ADAMTS7: variants seen among roughly 807,000 people sequenced by gnomAD.
ADAMTS7 encodes the protein A disintegrin and metalloproteinase with thrombospondin motifs 7.
In ADAMTS7, 89 loss-of-function variants were observed where a neutral mutation model predicts 172.6. The ratio of observed to expected loss-of-function variants is 0.52; its 90% CI spans 0.43 to 0.61. ADAMTS7 has a LOEUF of 0.61. Ranked by LOEUF, ADAMTS7 falls within the 20% of genes least tolerant of loss-of-function variation. ADAMTS7 has a pLI of 0.00. For synonymous variants in ADAMTS7, 885 were observed against 978.4 expected, an observed-to-expected ratio of 0.90 and a Z score of 1.78; for missense variants, 1,973 against 2,355.6, an observed-to-expected ratio of 0.84 and a Z score of 3.36.
In ADAMTS7 at chr15:78,777,416, C is replaced by T. The variant is rs375612464; in HGVS notation, c.1467+28G>A. The T allele has an allele frequency of 2.4e-5, 38 of 1,606,184 alleles. No individual in the cohort carries two copies. The South Asian group carries it at 3.0e-4, about 13-fold the overall frequency. Reference sequence around the variant, plus strand: ...TGAGCCCTCCTGCCGGGTCCCCACACCCCCACACCCACACCGGCCCCACTC... The same window carrying T: ...TGAGCCCTCCTGCCGGGTCCCCACATCCCCACACCCACACCGGCCCCACTC... On this transcript the variant is annotated intron_variant, in intron 9 of 23. Coordinates refer to ENST00000388820, the MANE Select transcript of ADAMTS7 (RefSeq NM_014272.5).
intron 4 of ADAMTS7, among the ~76,000 whole-genome samples, chr15:78,795,019 G>A (rs2055625408): frequency 6.6e-6 from 1 of 152,200 alleles, no homozygotes; most frequent in African/African-American, 2.4e-5. Context: ...ACCCAGTCGG[G>A]TGCGTCTTAC....
chr15:78,795,214 G>A (rs1305853277), intron 4 of ADAMTS7, among the ~76,000 whole-genome samples: 1 of 152,226 alleles, frequency 6.6e-6, no homozygotes, highest in Non-Finnish European at 1.5e-5. Context: ...CACCCCTATA[G>A]CCCAGGGGCT....
intron 11 of ADAMTS7, 35 bp downstream of exon 11, chr15:78,776,153 C>T (rs745357726): frequency 3.2e-6 from 5 of 1,586,006 alleles, no homozygotes; most frequent in Non-Finnish European, 4.3e-6. Context: ...TCCCTCTGTC[C>T]CACTGCCCAA....
chr15:78,772,696 G>C (rs143048992), intron 14 of ADAMTS7, among the ~76,000 whole-genome samples: 1 of 152,252 alleles, frequency 6.6e-6, no homozygotes. Context: ...AGGACTAAGC[G>C]CTTCACCTGC....
At chr15:78,764,458 C>T (rs2055105806) in intron 20 of ADAMTS7, 97 bp downstream of exon 20, 6 of 1,420,626 alleles carry the variant, frequency 4.2e-6, no homozygotes, top group African/African-American at 2.9e-5. Context: ...AGCCTGGGGC[C>T]CTCCCCTTCC....
At chr15:78,808,216 T>C (rs1468097914) in intron 1 of ADAMTS7, among the ~76,000 whole-genome samples, 1 of 152,146 alleles carries the variant, frequency 6.6e-6, no homozygotes, top group African/African-American at 2.4e-5. Flanking sequence ...CCACTTTTAT[T>C]GCAATAATTT....
intron 13 of ADAMTS7, 101 bp downstream of exon 13, chr15:78,774,066 G>C: frequency 1.3e-6 from 2 of 1,523,580 alleles, no homozygotes; most frequent in Non-Finnish European, 1.8e-6. Flanking sequence ...GGCCCGCCAT[G>C]GCCCGAGGAG....
rs759568467 is a variant in ADAMTS7, at chr15:78,798,063, G to C, written c.507C>G (p.Asp169Glu). The C allele has an allele frequency of 1.3e-6, 2 of 1,566,768 alleles. No individual in the cohort carries two copies. The highest frequency in any genetic ancestry group is 1.2e-5 in the South Asian group (1 of 84,196). Reference sequence around the variant, plus strand: ...CGTGGCCAGGCCGGGCCGGGGCACTGTCCAGGGGCTCAATGAAGTAGTCCT... The same window carrying C: ...CGTGGCCAGGCCGGGCCGGGGCACTCTCCAGGGGCTCAATGAAGTAGTCCT... ...SNEDYFIEPL[D>E]SAPARPGHAQ... Residue 169 changes from aspartate to glutamate, a missense_variant, in exon 3 of 24, where the codon GAC (aspartate) becomes GAG (glutamate). Physicochemically the swap from Asp to Glu is conservative, Grantham distance 45. Transcript: ENST00000388820.
At chr15:78,783,163 A>G (rs2055455243) in intron 8 of ADAMTS7, among the ~76,000 whole-genome samples, 1 of 152,226 alleles carries the variant, frequency 6.6e-6, no homozygotes, top group Admixed American at 6.5e-5. Flanking sequence ...GCCCCCATCC[A>G]AACCAGTCCT....
At chr15:78,805,167 C>T (rs897764216) in intron 1 of ADAMTS7, among the ~76,000 whole-genome samples, 3 of 152,210 alleles carry the variant, frequency 2.0e-5, no homozygotes, top group Admixed American at 1.3e-4. Flanking sequence ...CAGAAGCCAC[C>T]GGACTGGATG....
chr15:78,795,895 G>A (rs2055636956), intron 4 of ADAMTS7, among the ~76,000 whole-genome samples: 1 of 152,192 alleles, frequency 6.6e-6, no homozygotes, highest in African/African-American at 2.4e-5. Flanking sequence ...TGCCCCCGGT[G>A]GGACTTAGGA....
Position 78,759,406 on chromosome 15 carries a change from T to C in ADAMTS7, c.*15A>G, listed in dbSNP as rs573916340. ...GCACTGAGGTCTGTCGGTCGGTCTG[T>C]GCATCCTGGCGCAGTCAGCGGCGGG... is the stretch of plus-strand genomic sequence containing the variant. On this transcript the variant is annotated 3_prime_UTR_variant, in exon 24 of 24. Transcript: ENST00000388820. The C allele has an allele frequency of 1.3e-4, 203 of 1,586,436 alleles. 2 individuals carry two copies. In the East Asian group the frequency reaches 4.3e-3, roughly 34 times the overall value.
intron 1 of ADAMTS7, 155 bp downstream of exon 1, chr15:78,810,966 A>ACTGTCC: frequency 1.2e-6 from 1 of 807,990 alleles, no homozygotes; most frequent in Non-Finnish European, 1.6e-6. Context: ...GACCCCGACT[A>ACTGTCC]CTGTCCCCTA....
rs1237188066 is a variant in ADAMTS7 at position 78,800,332 on chromosome 15, A to T, written c.316T>A (p.Phe106Ile). The T allele has an allele frequency of 5.0e-6, 8 of 1,600,602 alleles. No homozygotes were observed. The highest frequency in any genetic ancestry group is 6.8e-6 in the Non-Finnish European group (8 of 1,175,704). ...TANQHLLAPG[F>I]VSETRRRGGL... ...CCGCGCCGCCGCGTCTCGCTCACAA[A>T]GCCGGGCGCCAGCAGGTGCTGATTG... The change falls in exon 2 of 24, where the codon TTT becomes ATT. Residue 106 changes from phenylalanine (F) to isoleucine (I), a missense_variant. Physicochemically the swap from Phe to Ile is conservative, Grantham distance 21 (BLOSUM62 0). This residue lies in a region of ADAMTS7 where 306 missense variants were observed against 288.0 expected (regional missense o/e 1.06). Coordinates refer to ENST00000388820, the MANE Select transcript of ADAMTS7 (RefSeq NM_014272.5).
intron 14 of ADAMTS7, among the ~76,000 whole-genome samples, chr15:78,772,199 C>T (rs1005665331): frequency 7.9e-5 from 12 of 152,320 alleles, no homozygotes; most frequent in African/African-American, 2.9e-4. Context: ...TCATTCACTT[C>T]CATCACACCC....
At chr15:78,776,045 A>C (rs1206028084) in intron 11 of ADAMTS7, 143 bp downstream of exon 11, 2 of 1,148,930 alleles carry the variant, frequency 1.7e-6, no homozygotes, top group Non-Finnish European at 1.2e-6. Flanking sequence ...AAAGTGACTT[A>C]AGGTGGCCTG....
Position 78,800,450 on chromosome 15 carries a change from T to G in ADAMTS7, c.198A>C (p.Ala66=). 6.2e-7 allele frequency: 1 copy of G among 1,611,090 alleles called. No homozygotes were observed. Among genetic ancestry groups the G allele is most frequent in the Non-Finnish European group, 8.5e-7 (1 of 1,179,212 alleles). ...GCACAGATACATCCCGCTTGCGCAGTGCGCGGGGCCACAGCTCGTAGGACA... is the reference window on the plus strand; with the variant it reads ...GCACAGATACATCCCGCTTGCGCAGGGCGCGGGGCCACAGCTCGTAGGACA... ...SFLSYELWPR[A]LRKRDVSVRR... is the part of the protein sequence containing the mutation. The change falls in exon 2 of 24, where the codon GCA becomes GCC. Residue 66 remains alanine (A), a synonymous_variant. Coordinates refer to ENST00000388820, the MANE Select transcript of ADAMTS7 (RefSeq NM_014272.5).
chr15:78,790,780 G>A lies in ADAMTS7; in HGVS notation c.918C>T (p.Ile306=), dbSNP rs2055569156. Reference sequence around the variant, plus strand: ...TCAGGGTGTTGTCTGCATGGTGCGTGATCTTTAGGTCCTCCTGGGGGCAGA... The same window carrying A: ...TCAGGGTGTTGTCTGCATGGTGCGTAATCTTTAGGTCCTCCTGGGGGCAGA... ...LLEDEEEDLK[I]THHADNTLKS... The change falls in exon 6 of 24, where the codon ATC becomes ATT. Residue 306 remains isoleucine (I), a synonymous_variant. Coordinates refer to ENST00000388820, the MANE Select transcript of ADAMTS7 (RefSeq NM_014272.5). The A allele has an allele frequency of 6.2e-7, 1 of 1,613,764 alleles. No individual in the cohort carries two copies. The highest frequency in any genetic ancestry group is 8.5e-7 in the Non-Finnish European group (1 of 1,179,942).
In ADAMTS7 at chr15:78,762,667, T is replaced by C. The variant is rs149889628; in HGVS notation, c.4741-102A>G. ...GCCGTCCCTGCGCCCTGTGCCTGAC[T>C]GGCCTGGCCTTGCTCCCAGCCGCCC... is the stretch of plus-strand genomic sequence containing the variant. On this transcript the variant is annotated intron_variant, in intron 22 of 23. Transcript: ENST00000388820. 8.3e-3 allele frequency: 8,270 copies of C among 990,712 alleles called. 398 individuals carry two copies. In the East Asian group the frequency reaches 0.15, roughly 18 times the overall value. The allele number at this position is 990,712 out of a possible 1,614,324, so 61.4% of individuals were successfully genotyped here.
Sources: gnomAD v4.1 joint callset for allele counts (sites outside exome capture counted in the v4.1 genomes callset) on GRCh38, gnomAD v4.1.1 for gene constraint, gnomAD v4.1.1 regional missense constraint, MANE v1.5 for transcripts, NCBI Gene and HGNC (gene_info 2026-07-23, HGNC 2026-07-21) for gene names.